Variants in EDIL3 observed in about 807,000 individuals in gnomAD.
EDIL3 encodes EGF-like repeat and discoidin I-like domain-containing protein 3.
A neutral mutation model predicts 67.4 loss-of-function variants in EDIL3; 37 were observed. That is an observed-to-expected ratio of 0.55 (90% confidence interval 0.42 to 0.72). The LOEUF (loss-of-function observed/expected upper bound fraction) is 0.72. Ranked by LOEUF, EDIL3 falls within the 30% of genes least tolerant of loss-of-function variation. The pLI is 0.00. For synonymous variants in EDIL3, 195 were observed against 196.3 expected, an observed-to-expected ratio of 0.99 and a Z score of 0.05; for missense variants, 527 against 586.3, an observed-to-expected ratio of 0.90 and a Z score of 1.04.
chr5:84,055,421 C>G (rs1416342486), intron 9 of EDIL3, among the ~76,000 whole-genome samples: 1 of 146,272 alleles, frequency 6.8e-6, no homozygotes, highest in African/African-American at 2.7e-5. Context: ...GTCTAAAACA[C>G]CAAAAGCAAT....
intron 1 of EDIL3, among the ~76,000 whole-genome samples, chr5:84,372,803 C>T (rs1432774386): frequency 3.3e-5 from 5 of 152,112 alleles, no homozygotes; most frequent in Non-Finnish European, 7.4e-5. Context: ...TTTCTATGAA[C>T]ACATATTATA....
chr5:84,012,188 T>A (rs1416240309), intron 9 of EDIL3, among the ~76,000 whole-genome samples: 1 of 152,176 alleles, frequency 6.6e-6, no homozygotes, highest in Admixed American at 6.5e-5. Context: ...AAAGAAGACG[T>A]GATACAGAGT....
intron 6 of EDIL3, among the ~76,000 whole-genome samples, chr5:84,075,291 T>G (rs1746829762): frequency 1.3e-5 from 2 of 151,938 alleles, no homozygotes. Flanking sequence ...ATGGCACATG[T>G]ATACATATGT....
At chr5:84,377,032 A>C (rs1219513697) in intron 1 of EDIL3, among the ~76,000 whole-genome samples, 1 of 152,228 alleles carries the variant, frequency 6.6e-6, no homozygotes, top group Non-Finnish European at 1.5e-5. Context: ...AATGTGATAA[A>C]GAGTGCAGCA....
intron 6 of EDIL3, among the ~76,000 whole-genome samples, chr5:84,081,364 A>G (rs962330416): frequency 3.3e-5 from 5 of 152,230 alleles, no homozygotes; most frequent in Admixed American, 6.5e-5. Flanking sequence ...TGTAAATATT[A>G]AGGTAGTCTC....
At chr5:84,072,735 G>C (rs1226442776) in intron 6 of EDIL3, among the ~76,000 whole-genome samples, 1 of 151,996 alleles carries the variant, frequency 6.6e-6, no homozygotes, top group African/African-American at 2.4e-5. Context: ...AGGCATCTAA[G>C]TAATTTTATT....
intron 3 of EDIL3, among the ~76,000 whole-genome samples, chr5:84,208,077 C>T (rs1744025165): frequency 1.3e-5 from 2 of 151,710 alleles, no homozygotes; most frequent in Admixed American, 1.3e-4. Flanking sequence ...AGCTTCTGCA[C>T]AGCAAAAGAA....
chr5:84,206,409 T>C (rs1743980548), intron 3 of EDIL3, among the ~76,000 whole-genome samples: 1 of 152,086 alleles, frequency 6.6e-6, no homozygotes, highest in African/African-American at 2.4e-5. Context: ...GGTGGAGAGT[T>C]CTGTAGATGT....
chr5:84,227,679 T>C (rs1434702100), intron 3 of EDIL3, among the ~76,000 whole-genome samples: 1 of 151,988 alleles, frequency 6.6e-6, no homozygotes, highest in African/African-American at 2.4e-5. Context: ...AATCAAATTA[T>C]GTGCTAATGG....
At chr5:84,023,169 C>G (rs426630) in intron 9 of EDIL3, among the ~76,000 whole-genome samples, 128,220 of 152,004 alleles carry the variant, frequency 0.84, 54,865 homozygotes, top group Non-Finnish European at 0.91. Flanking sequence ...ACTGGATTAT[C>G]ATAATGATTA....
chr5:84,377,880 C>T (rs1747999475), intron 1 of EDIL3, among the ~76,000 whole-genome samples: 1 of 152,210 alleles, frequency 6.6e-6, no homozygotes. Flanking sequence ...AAGCCGTCAC[C>T]TAAATTCTTG....
chr5:84,249,480 T>C (rs1744981237), intron 2 of EDIL3, among the ~76,000 whole-genome samples: 1 of 146,368 alleles, frequency 6.8e-6, no homozygotes, highest in Non-Finnish European at 1.5e-5. Flanking sequence ...TCTGTATGTA[T>C]GTCTGTCTGT....
intron 1 of EDIL3, among the ~76,000 whole-genome samples, chr5:84,344,217 G>C (rs1460667716): frequency 6.6e-6 from 1 of 151,878 alleles, no homozygotes; most frequent in Non-Finnish European, 1.5e-5. Flanking sequence ...GAAGAATTAT[G>C]TTTATATAAT....
chr5:83,997,584 T>C (rs771390501), intron 9 of EDIL3, among the ~76,000 whole-genome samples: 1 of 152,120 alleles, frequency 6.6e-6, no homozygotes, highest in Non-Finnish European at 1.5e-5. Flanking sequence ...CTGTAGAATG[T>C]CCAAATGGTA....
chr5:83,943,792 TAGGTC>T (rs1744266505), intron 10 of EDIL3, among the ~76,000 whole-genome samples: 1 of 152,082 alleles, frequency 6.6e-6, no homozygotes, highest in African/African-American at 2.4e-5. Flanking sequence ...CAGACATTCA[TAGGTC>T]TATCATTTTC....
intron 1 of EDIL3, among the ~76,000 whole-genome samples, chr5:84,281,472 T>C (rs1745701629): frequency 6.6e-6 from 1 of 152,224 alleles, no homozygotes; most frequent in Admixed American, 6.5e-5. Context: ...CATGTTTCCA[T>C]CTTATCCTAA....
At chr5:84,357,619 T>C (rs1302616089) in intron 1 of EDIL3, among the ~76,000 whole-genome samples, 1 of 152,144 alleles carries the variant, frequency 6.6e-6, no homozygotes, top group Non-Finnish European at 1.5e-5. Flanking sequence ...CTGGGTGCAG[T>C]GGCTCACGCC....
chr5:84,258,729 G>A (rs1745168286), intron 1 of EDIL3, among the ~76,000 whole-genome samples: 1 of 151,974 alleles, frequency 6.6e-6, no homozygotes, highest in Non-Finnish European at 1.5e-5. Flanking sequence ...TCCTTTATAC[G>A]GCCATAATCT....
At chr5:83,960,746 A>G (rs1744592925) in intron 10 of EDIL3, among the ~76,000 whole-genome samples, 1 of 151,064 alleles carries the variant, frequency 6.6e-6, no homozygotes, top group Non-Finnish European at 1.5e-5. Context: ...TTCAATAAAC[A>G]CGATTAAAAT....
Sources: gnomAD v4.1 joint callset for allele counts (sites outside exome capture counted in the v4.1 genomes callset) on GRCh38, gnomAD v4.1.1 for gene constraint, MANE v1.5 for transcripts, NCBI Gene and HGNC (gene_info 2026-07-23, HGNC 2026-07-21) for gene names.